FNIP2: variants seen among roughly 807,000 people sequenced by gnomAD.
The protein encoded by FNIP2 is folliculin-interacting protein 2.
Under a neutral mutation model 108.7 loss-of-function variants are expected in FNIP2, and 32 were observed. The observed-to-expected ratio is 0.29, with a 90% CI of 0.22 to 0.40. The LOEUF (loss-of-function observed/expected upper bound fraction) is 0.40, where lower values mean the gene tolerates loss of function less well. Among genes scored for constraint, FNIP2 ranks in the 10% least tolerant of loss-of-function variants. The pLI is 1.00. For synonymous variants in FNIP2, 480 were observed against 496.7 expected, an observed-to-expected ratio of 0.97 and a Z score of 0.45; for missense variants, 1,202 against 1,381.6, an observed-to-expected ratio of 0.87 and a Z score of 2.06.
chr4:158,830,248 CTTTTTTTTTTT>C (rs35746599), intron 3 of FNIP2, among the ~76,000 whole-genome samples: 7 of 64,014 alleles, frequency 1.1e-4, no homozygotes, highest in Admixed American at 6.7e-4. Flanking sequence ...ATTTATCTTT[CTTTTTTTTTTT>C]TTTTTTTTTT....
intron 1 of FNIP2, among the ~76,000 whole-genome samples, chr4:158,776,417 C>G (rs1775861213): frequency 6.6e-6 from 1 of 152,282 alleles, no homozygotes; most frequent in East Asian, 1.9e-4. Flanking sequence ...GGCTTTAACA[C>G]CTTATAAATA....
At position 158,859,686 on chromosome 4, in the gene FNIP2, C is replaced by A. The variant is rs779100476; in HGVS notation, c.1148+20C>A. On this transcript the variant is annotated intron_variant, in intron 10 of 16. Coordinates refer to ENST00000264433, the MANE Select transcript of FNIP2 (RefSeq NM_020840.3). ...ATTCAGGTAAAGTGGCAAAGTTTGGCAAATCCAACAGGAGATGTTTATGAG... is the reference window on the plus strand; with the variant it reads ...ATTCAGGTAAAGTGGCAAAGTTTGGAAAATCCAACAGGAGATGTTTATGAG... The A allele has an allele frequency of 1.3e-6, 2 of 1,589,108 alleles. No individual in the cohort carries two copies. The highest frequency in any genetic ancestry group is 1.7e-6 in the Non-Finnish European group (2 of 1,159,782).
At chr4:158,876,536 C>T (rs1431657262) in intron 14 of FNIP2, among the ~76,000 whole-genome samples, 1 of 152,240 alleles carries the variant, frequency 6.6e-6, no homozygotes, top group Non-Finnish European at 1.5e-5. Flanking sequence ...AACTTTTTTA[C>T]ATTTTTGAAG....
intron 7 of FNIP2, among the ~76,000 whole-genome samples, chr4:158,849,300 G>T (rs997751149): frequency 1.3e-5 from 2 of 152,154 alleles, no homozygotes; most frequent in Non-Finnish European, 2.9e-5. Flanking sequence ...AGGAGGGGGA[G>T]CAGGAGAAAG....
chr4:158,881,366 C>CTCCCTT (rs1037068100), intron 14 of FNIP2, among the ~76,000 whole-genome samples: 2 of 147,576 alleles, frequency 1.4e-5, no homozygotes, highest in Non-Finnish European at 3.0e-5. Context: ...CCCTCTCCCT[C>CTCCCTT]TCTTTCCACG....
chr4:158,806,554 T>A (rs1456924461), intron 1 of FNIP2: 1 of 537,326 alleles, frequency 1.9e-6, no homozygotes. Context: ...AGAAATGGGG[T>A]TATTGGTGGA....
Position 158,905,786 on chromosome 4 carries a change from G to A in FNIP2, c.*1242G>A, listed in dbSNP as rs1729786097. On this transcript the variant is annotated 3_prime_UTR_variant, in exon 17 of 17. Coordinates refer to ENST00000264433, the MANE Select transcript of FNIP2 (RefSeq NM_020840.3). ...AACAGACTATGTACTGACATCCAGGGTAAAGTAAAAGACTTTTAAATATTG... is the reference window on the plus strand; with the variant it reads ...AACAGACTATGTACTGACATCCAGGATAAAGTAAAAGACTTTTAAATATTG... 6.6e-6 allele frequency: 1 copy of A among 151,896 alleles called. No homozygotes were observed. The highest frequency in any genetic ancestry group is 1.5e-5 in the Non-Finnish European group (1 of 68,006). 9.4% of individuals were successfully genotyped at this position (151,896 alleles called of 1,614,324 possible). A position where few individuals can be genotyped will look rare whatever the true frequency, so the allele number is the denominator to read the frequency against.
intron 7 of FNIP2, among the ~76,000 whole-genome samples, chr4:158,847,227 C>T (rs1560797842): frequency 2.0e-5 from 3 of 152,298 alleles, no homozygotes; most frequent in East Asian, 3.9e-4. Context: ...GGCTCAGAGC[C>T]AGTGGACTTG....
chr4:158,786,636 T>C lies in FNIP2; in HGVS notation c.107+17317T>C, dbSNP rs182632341. Among the ~76,000 whole-genome samples, 6 of 152,300 alleles carry C rather than the reference T, an allele frequency of 3.9e-5. No homozygotes were observed. The East Asian group carries it at 1.2e-3, about 29-fold the overall frequency. On this transcript the variant is annotated intron_variant, in intron 1 of 16. Transcript: ENST00000264433. ...ACTATAAATTGTGCCTGTCCTCATA[T>C]GGTAATGAGAGTTCACAGTGGTTTT...
At chr4:158,814,717 A>T (rs527446908) in intron 1 of FNIP2, among the ~76,000 whole-genome samples, 1 of 152,374 alleles carries the variant, frequency 6.6e-6, no homozygotes, top group South Asian at 2.1e-4. Flanking sequence ...GATGAAGGAC[A>T]GGAAAATGTA....
intron 1 of FNIP2, among the ~76,000 whole-genome samples, chr4:158,787,529 A>G (rs948057977): frequency 6.6e-6 from 1 of 152,192 alleles, no homozygotes; most frequent in African/African-American, 2.4e-5. Context: ...AGTTACCCAT[A>G]TGGATAGGCC....
At chr4:158,792,247 C>T (rs1776444497) in intron 1 of FNIP2, among the ~76,000 whole-genome samples, 2 of 152,174 alleles carry the variant, frequency 1.3e-5, no homozygotes, top group Admixed American at 1.3e-4. Flanking sequence ...TGGACATATG[C>T]AGAGTGGCAA....
intron 1 of FNIP2, among the ~76,000 whole-genome samples, chr4:158,783,523 C>T (rs144811138): frequency 6.6e-6 from 1 of 152,298 alleles, no homozygotes; most frequent in East Asian, 1.9e-4. Flanking sequence ...CTGAAGACTC[C>T]ACTTTTCTTT....
At chr4:158,899,798 C>T (rs1445210492) in intron 16 of FNIP2, among the ~76,000 whole-genome samples, 2 of 152,150 alleles carry the variant, frequency 1.3e-5, no homozygotes, top group Non-Finnish European at 2.9e-5. Context: ...AAAAAACCAG[C>T]TCCTGGATTC....
intron 15 of FNIP2, chr4:158,893,389 T>C (rs1419071212): frequency 1.8e-4 from 49 of 273,404 alleles, no homozygotes; most frequent in Non-Finnish European, 6.9e-6. Flanking sequence ...CCTATGGTTA[T>C]GAAATTATAT....
At chr4:158,903,338 C>CG (rs1440771530) in intron 16 of FNIP2, among the ~76,000 whole-genome samples, 11 of 152,132 alleles carry the variant, frequency 7.2e-5, no homozygotes, top group Non-Finnish European at 1.5e-4. Context: ...TGAGATGAGC[C>CG]GGGTACATCA....
At chr4:158,806,175 G>T in intron 1 of FNIP2, 1 of 1,253,866 alleles carries the variant, frequency 8.0e-7, no homozygotes, top group Non-Finnish European at 1.0e-6. Flanking sequence ...CATAACAAAG[G>T]AACTTCAGGA....
chr4:158,832,258 C>A, intron 5 of FNIP2, 120 bp downstream of exon 5: 2 of 752,862 alleles, frequency 2.7e-6, no homozygotes, highest in Non-Finnish European at 4.3e-6. Flanking sequence ...TCCAAATTAA[C>A]AAAGGGGCTT....
chr4:158,864,490 G>T (rs1780469715), intron 12 of FNIP2, among the ~76,000 whole-genome samples: 1 of 152,192 alleles, frequency 6.6e-6, no homozygotes, highest in African/African-American at 2.4e-5. Flanking sequence ...ATTAGAATGT[G>T]ATCAGGAATA....
Sources: allele counts gnomAD v4.1 joint callset (sites outside exome capture counted in the v4.1 genomes callset), GRCh38; gene constraint gnomAD v4.1.1; transcripts MANE v1.5; gene names NCBI Gene and HGNC (gene_info 2026-07-23, HGNC 2026-07-21).